Variants in ARPC2 observed in about 807,000 individuals in gnomAD.
ARPC2 encodes the protein actin-related protein 2/3 complex subunit 2.
In ARPC2, 4 loss-of-function variants were observed where a neutral mutation model predicts 38.6. The ratio of observed to expected loss-of-function variants is 0.10; its 90% CI spans 0.05 to 0.24. The LOEUF (loss-of-function observed/expected upper bound fraction) is 0.24. ARPC2 is among the 10% of genes least tolerant of loss of function. ARPC2 has a pLI of 1.00. For missense variants in ARPC2, 229 were observed against 387.3 expected (o/e 0.59, Z 3.43); for synonymous variants, 125 against 140.8 (o/e 0.89, Z 0.79).
At chr2:218,226,045 A>G in intron 3 of ARPC2, 91 bp downstream of exon 3, 3 of 1,369,014 alleles carry the variant, frequency 2.2e-6, no homozygotes, top group Non-Finnish European at 1.0e-6. Context: ...CTGTAATCCC[A>G]GCACTTTGGG....
intron 2 of ARPC2, among the ~76,000 whole-genome samples, chr2:218,224,832 C>T (rs974394009): frequency 2.2e-4 from 33 of 152,310 alleles, no homozygotes; most frequent in African/African-American, 7.2e-4. Flanking sequence ...CTTTTTAACA[C>T]TCATAAACCA....
chr2:218,242,663 T>C (rs1689942404), intron 7 of ARPC2, among the ~76,000 whole-genome samples: 1 of 152,188 alleles, frequency 6.6e-6, no homozygotes, highest in African/African-American at 2.4e-5. Context: ...TGTAAACTTG[T>C]GGATTTCTCC....
rs370464652 is a variant in ARPC2 at position 218,249,874 on chromosome 2, G to T, written c.831G>T (p.Leu277=). The T allele has an allele frequency of 4.0e-5, 64 of 1,613,852 alleles. No individual in the cohort carries two copies. In the East Asian group the frequency reaches 5.6e-4, roughly 14 times the overall value. ...AAACGTCTGACTTCCTCAAGGTGCTGAACCGCGCACGCCCAGATGCCGAGA... is the reference window on the plus strand; with the variant it reads ...AAACGTCTGACTTCCTCAAGGTGCTTAACCGCGCACGCCCAGATGCCGAGA... ...RAKTSDFLKV[L]NRARPDAEKK... is the part of the protein sequence containing the mutation. Residue 277 remains leucine (L), a synonymous_variant, in exon 10 of 11, where the codon CTG becomes CTT. Transcript: ENST00000315717.
chr2:218,232,665 GT>G (rs973611177), intron 4 of ARPC2, among the ~76,000 whole-genome samples: 28 of 151,074 alleles, frequency 1.9e-4, no homozygotes, highest in African/African-American at 5.6e-4. Flanking sequence ...TGCCTCCCGG[GT>G]TCACGCCATT....
At chr2:218,241,079 C>G (rs1162248679) in intron 7 of ARPC2, among the ~76,000 whole-genome samples, 2 of 152,196 alleles carry the variant, frequency 1.3e-5, no homozygotes, top group African/African-American at 4.8e-5. Flanking sequence ...CATTCAAAAT[C>G]TAGTACAATG....
At chr2:218,219,593 G>A (rs1170769222) in intron 2 of ARPC2, among the ~76,000 whole-genome samples, 2 of 152,194 alleles carry the variant, frequency 1.3e-5, no homozygotes, top group East Asian at 1.9e-4. Context: ...CAAGTGACCC[G>A]CCCGCCTCGG....
intron 3 of ARPC2, chr2:218,227,089 T>TA: frequency 2.2e-6 from 1 of 452,518 alleles, no homozygotes; most frequent in South Asian, 1.6e-5. Context: ...GAAGTGCTGT[T>TA]ACCTGGAGGC....
chr2:218,243,164 A>G (rs1689955431), intron 7 of ARPC2, among the ~76,000 whole-genome samples: 1 of 152,192 alleles, frequency 6.6e-6, no homozygotes, highest in Non-Finnish European at 1.5e-5. Flanking sequence ...TTTTTTTCCT[A>G]AATGGCTATC....
Position 218,239,427 on chromosome 2 carries a change from C to G in ARPC2, c.492C>G (p.Val164=). The change falls in exon 7 of 11, where the codon GTC becomes GTG. Residue 164 remains valine, a synonymous_variant. Coordinates refer to ENST00000315717, the MANE Select transcript of ARPC2 (RefSeq NM_152862.3). ...VESKKDRVTV[V]FSTVFKDDDD... Reference sequence around the variant, plus strand: ...CTAAAAAGGACAGAGTCACAGTAGTCTTCAGCACAGTGTTTAAGGATGACG... The same window carrying G: ...CTAAAAAGGACAGAGTCACAGTAGTGTTCAGCACAGTGTTTAAGGATGACG... 6.2e-7 allele frequency: 1 copy of G among 1,614,098 alleles called. No homozygotes were observed. Among genetic ancestry groups the G allele is most frequent in the South Asian group, 1.1e-5 (1 of 91,074 alleles).
At chr2:218,234,202 C>A (rs1255840544) in intron 4 of ARPC2, 150 bp from the exon 5 acceptor site, 3 of 572,724 alleles carry the variant, frequency 5.2e-6, no homozygotes, top group Non-Finnish European at 9.0e-6. Context: ...AATCCACTTC[C>A]CCTCTGTCTC....
At chr2:218,246,917 G>T (rs1361785386) in intron 8 of ARPC2, among the ~76,000 whole-genome samples, 2 of 152,188 alleles carry the variant, frequency 1.3e-5, no homozygotes, top group Non-Finnish European at 2.9e-5. Context: ...AGTGGAGGTT[G>T]CAGCAAGCCG....
intron 5 of ARPC2, among the ~76,000 whole-genome samples, 200 bp from the exon 6 acceptor site, chr2:218,238,464 A>G (rs1366119887): frequency 6.6e-6 from 1 of 152,166 alleles, no homozygotes; most frequent in Non-Finnish European, 1.5e-5. Context: ...TGTGAGATAG[A>G]TGGAAATAGA....
At position 218,253,875 on chromosome 2, in the gene ARPC2, ATC is replaced by A; in HGVS notation, c.879-11_879-10del. Reference sequence around the variant, plus strand: ...CAGCCAGAAACTGACCTTCGCACTTATCTCTCCTTTTGAAGGGGGAAGACGTT... The same window carrying A: ...CAGCCAGAAACTGACCTTCGCACTTATCTCCTTTTGAAGGGGGAAGACGTT... On this transcript the variant is annotated splice_polypyrimidine_tract_variant and intron_variant, in intron 10 of 10. Transcript: ENST00000315717. 6.2e-7 allele frequency: 1 copy of A among 1,613,812 alleles called. No individual in the cohort carries two copies. The highest frequency in any genetic ancestry group is 8.5e-7 in the Non-Finnish European group (1 of 1,179,936).
intron 10 of ARPC2, among the ~76,000 whole-genome samples, chr2:218,251,142 A>T (rs1690179539): frequency 6.6e-6 from 1 of 152,020 alleles, no homozygotes; most frequent in South Asian, 2.1e-4. Context: ...TGAGGTCATA[A>T]GCCTCCCTCA....
Position 218,240,155 on chromosome 2 carries a change from G to T in ARPC2, c.549+671G>T, listed in dbSNP as rs189182243. Among the ~76,000 whole-genome samples the T allele has an allele frequency of 2.1e-3, 313 of 151,194 alleles. 1 individual carries two copies. Among genetic ancestry groups the T allele is most frequent in the Non-Finnish European group, 3.4e-3 (230 of 67,798 alleles). ...CTTTTAGTAGAGATGGGGTTTCACC[G>T]TGTTGGCCAGGATGGTCTCAATCTC... is the stretch of plus-strand genomic sequence containing the variant. On this transcript the variant is annotated intron_variant, in intron 7 of 10. Coordinates refer to ENST00000315717, the MANE Select transcript of ARPC2 (RefSeq NM_152862.3).
chr2:218,234,229 A>C, intron 4 of ARPC2, 123 bp from the exon 5 acceptor site: 2 of 705,624 alleles, frequency 2.8e-6, no homozygotes, highest in East Asian at 5.6e-5. Flanking sequence ...CCCATCCACC[A>C]AATGAAAGTT....
intron 2 of ARPC2, among the ~76,000 whole-genome samples, chr2:218,220,024 A>G (rs189461171): frequency 3.3e-5 from 5 of 152,258 alleles, no homozygotes; most frequent in Admixed American, 6.5e-5. Context: ...TATCATAAAC[A>G]TGTATGGGAT....
intron 10 of ARPC2, among the ~76,000 whole-genome samples, chr2:218,251,678 C>G (rs1274322154): frequency 2.0e-5 from 3 of 152,080 alleles, no homozygotes; most frequent in Non-Finnish European, 4.4e-5. Context: ...GTCTCGAACT[C>G]CTGGACTCAA....
intron 2 of ARPC2, among the ~76,000 whole-genome samples, chr2:218,221,487 G>T (rs1277978303): frequency 6.6e-6 from 1 of 152,192 alleles, no homozygotes; most frequent in Non-Finnish European, 1.5e-5. Context: ...ACAGGTCACT[G>T]TAGTTAATTA....
Sources: allele counts gnomAD v4.1 joint callset (sites outside exome capture counted in the v4.1 genomes callset), GRCh38; gene constraint gnomAD v4.1.1; transcripts MANE v1.5; gene names NCBI Gene and HGNC (gene_info 2026-07-23, HGNC 2026-07-21).